Variants in SEMA5B observed in about 807,000 individuals in gnomAD.
SEMA5B encodes semaphorin 5B.
SEMA5B carries 66 observed loss-of-function variants against 135.0 expected under a neutral mutation model. That is an observed-to-expected ratio of 0.49 (90% confidence interval 0.40 to 0.60). The LOEUF (loss-of-function observed/expected upper bound fraction) is 0.60. Among genes scored for constraint, SEMA5B ranks in the 20% least tolerant of loss-of-function variants. The pLI is 0.00. For synonymous variants in SEMA5B, 690 were observed against 639.5 expected, an observed-to-expected ratio of 1.08 and a Z score of -1.19; for missense variants, 1,501 against 1,566.3, an observed-to-expected ratio of 0.96 and a Z score of 0.70.
At chr3:122,973,715 G>A (rs1560392583) in intron 1 of SEMA5B, among the ~76,000 whole-genome samples, 4 of 152,200 alleles carry the variant, frequency 2.6e-5, no homozygotes, top group Admixed American at 6.5e-5. Context: ...AGATTCCCAA[G>A]GAGGGCAGGC....
chr3:122,937,534 C>T (rs1939351221), intron 5 of SEMA5B, among the ~76,000 whole-genome samples: 2 of 152,178 alleles, frequency 1.3e-5, no homozygotes, highest in South Asian at 2.1e-4. Context: ...GTCTGAAATC[C>T]TGAGGTCAGG....
intron 1 of SEMA5B, among the ~76,000 whole-genome samples, chr3:122,997,252 C>T (rs1408146875): frequency 6.6e-6 from 1 of 152,166 alleles, no homozygotes; most frequent in Admixed American, 6.5e-5. Flanking sequence ...GGCAGAGACT[C>T]GAACACCTGT....
At chr3:123,021,208 C>G (rs1485158301) in intron 1 of SEMA5B, among the ~76,000 whole-genome samples, 1 of 152,178 alleles carries the variant, frequency 6.6e-6, no homozygotes, top group Non-Finnish European at 1.5e-5. Context: ...CTGCATCAGC[C>G]AGAGCTAGTG....
chr3:122,959,813 T>C (rs1940495923), intron 2 of SEMA5B, among the ~76,000 whole-genome samples: 1 of 152,210 alleles, frequency 6.6e-6, no homozygotes, highest in Non-Finnish European at 1.5e-5. Context: ...GCATTACAAA[T>C]GGTGGTGGTG....
chr3:123,021,608 T>C (rs1383673473), intron 1 of SEMA5B, among the ~76,000 whole-genome samples: 1 of 152,176 alleles, frequency 6.6e-6, no homozygotes, highest in Non-Finnish European at 1.5e-5. Flanking sequence ...GAGGGAGCTA[T>C]GGCTCAGGTA....
intron 3 of SEMA5B, among the ~76,000 whole-genome samples, chr3:122,947,901 G>GT (rs71621699): frequency 0.12 from 18,438 of 150,828 alleles, 1,223 homozygotes; most frequent in South Asian, 0.2. Context: ...GTTTTGTTTT[G>GT]TTTTTTTTTA....
chr3:122,923,075 A>AC (rs1938448789), intron 10 of SEMA5B, among the ~76,000 whole-genome samples: 2 of 151,746 alleles, frequency 1.3e-5, no homozygotes, highest in Admixed American at 6.6e-5. Context: ...GCTCCATCCC[A>AC]CCCCCTGGGT....
At chr3:123,022,455 C>T (rs1942706816) in intron 1 of SEMA5B, among the ~76,000 whole-genome samples, 1 of 152,212 alleles carries the variant, frequency 6.6e-6, no homozygotes, top group African/African-American at 2.4e-5. Flanking sequence ...GGATTCAGCA[C>T]ATACAGCATT....
At chr3:122,921,893 G>A (rs1163946051) in intron 12 of SEMA5B, 22 bp downstream of exon 12, 1 of 1,521,220 alleles carries the variant, frequency 6.6e-7, no homozygotes, top group Admixed American at 2.1e-5. Context: ...GAGGCCTCGG[G>A]AGCCGCCCCG....
intron 5 of SEMA5B, among the ~76,000 whole-genome samples, chr3:122,932,285 G>T (rs1413598706): frequency 1.9e-5 from 2 of 106,634 alleles, no homozygotes; most frequent in Non-Finnish European, 1.7e-5. Flanking sequence ...AGAAGGTCTT[G>T]CTCTGTCCCC....
chr3:122,989,363 C>G (rs1056859543), intron 1 of SEMA5B, among the ~76,000 whole-genome samples: 2 of 152,146 alleles, frequency 1.3e-5, no homozygotes, highest in African/African-American at 4.8e-5. Context: ...GAGAAAGGTC[C>G]CAAGTGCAGA....
chr3:123,025,859 G>T (rs2107852923), intron 1 of SEMA5B, among the ~76,000 whole-genome samples: 1 of 152,326 alleles, frequency 6.6e-6, no homozygotes, highest in African/African-American at 2.4e-5. Flanking sequence ...CTTCGGGAAA[G>T]GTACTGGCTG....
At chr3:122,949,650 C>T (rs1939958398) in intron 2 of SEMA5B, among the ~76,000 whole-genome samples, 1 of 152,184 alleles carries the variant, frequency 6.6e-6, no homozygotes, top group Non-Finnish European at 1.5e-5. Flanking sequence ...AGTCATTCAG[C>T]CAGATGTCAC....
intron 1 of SEMA5B, chr3:122,976,224 C>T (rs750737665): frequency 4.0e-4 from 555 of 1,404,814 alleles, no homozygotes; most frequent in Non-Finnish European, 4.8e-4. Context: ...GCATCTGCAC[C>T]TCCTGGGAAC....
chr3:122,915,960 G>T (rs777863056), intron 12 of SEMA5B, 70 bp from the exon 13 acceptor site: 3 of 1,111,782 alleles, frequency 2.7e-6, no homozygotes, highest in Non-Finnish European at 4.1e-6. Flanking sequence ...AGGAACACAC[G>T]TGAACACTCC....
chr3:122,937,411 C>T (rs1377566253), intron 5 of SEMA5B, among the ~76,000 whole-genome samples: 2 of 152,226 alleles, frequency 1.3e-5, no homozygotes, highest in African/African-American at 4.8e-5. Flanking sequence ...CACTGGATGG[C>T]ACACCCCAAC....
At chr3:122,959,559 C>T (rs1940483918) in intron 2 of SEMA5B, among the ~76,000 whole-genome samples, 2 of 145,670 alleles carry the variant, frequency 1.4e-5, no homozygotes, top group African/African-American at 5.2e-5. Context: ...AGTAAGTCAA[C>T]ACACGGTAAG....
chr3:122,913,254 TCTC>T lies in SEMA5B; in HGVS notation c.2448_2450del (p.Arg818del), dbSNP rs768444030. 1.3e-6 allele frequency: 2 copies of T among 1,586,070 alleles called. No homozygotes were observed. Among genetic ancestry groups the T allele is most frequent in the South Asian group, 1.1e-5 (1 of 88,446 alleles). On this transcript the variant is annotated inframe_deletion, in exon 17 of 23. Transcript: ENST00000357599. ...CGGGACAGGTCCTCGTCTCGGTCCT[TCTC>T]CTGCCGAACTGCAGGCCGTGCGGGT...
intron 14 of SEMA5B, among the ~76,000 whole-genome samples, chr3:122,915,234 G>C (rs1938002636): frequency 6.6e-6 from 1 of 152,202 alleles, no homozygotes; most frequent in Non-Finnish European, 1.5e-5. Flanking sequence ...GTCACCAAGA[G>C]ATAGAAACTT....
Sources: gnomAD v4.1 joint callset for allele counts (sites outside exome capture counted in the v4.1 genomes callset) on GRCh38, gnomAD v4.1.1 for gene constraint, MANE v1.5 for transcripts, NCBI Gene and HGNC (gene_info 2026-07-23, HGNC 2026-07-21) for gene names.